The following FAM131B variants were observed in gnomAD, a reference collection of about 807,000 sequenced individuals.
The protein encoded by FAM131B is family with sequence similarity 131 member B, also known as protein FAM131B.
A neutral mutation model predicts 42.0 loss-of-function variants in FAM131B; 19 were observed. The ratio of observed to expected loss-of-function variants is 0.45; its 90% CI spans 0.32 to 0.66. The LOEUF is 0.66. Among genes scored for constraint, FAM131B ranks in the 30% least tolerant of loss-of-function variants. FAM131B has a pLI of 0.05. For synonymous variants in FAM131B, 183 were observed against 177.6 expected, an observed-to-expected ratio of 1.03 and a Z score of -0.24; for missense variants, 370 against 468.4, an observed-to-expected ratio of 0.79 and a Z score of 1.94.
the FAM131B span, chr7:143,382,283 G>T: frequency 1.2e-6 from 2 of 1,612,906 alleles, no homozygotes; most frequent in Admixed American, 3.3e-5. Context: ...TGCTGGGGAT[G>T]GCGACGATGC....
At position 143,362,064 on chromosome 7, in the gene FAM131B, G is replaced by A. The variant is rs1804026730; in HGVS notation, c.28+512C>T. The A allele has an allele frequency of 1.0e-6, 1 of 985,138 alleles. No homozygotes were observed. The highest frequency in any genetic ancestry group is 1.2e-6 in the Non-Finnish European group (1 of 829,550). 61.0% of individuals were successfully genotyped at this position (985,138 alleles called of 1,614,324 possible). ...GCAGGAACGACAGTAAAAGGCAACG[G>A]AGAGGGAGAGAGAGATGGGGCAAAG... is the stretch of plus-strand genomic sequence containing the variant. On this transcript the variant is annotated intron_variant, in intron 1 of 6. Transcript: ENST00000443739. This position sits in a 1 kb window ranked among gnomAD's most constrained non-coding sequence, Gnocchi z 7.7.
chr7:143,381,910 T>A, the FAM131B span: 2 of 921,502 alleles, frequency 2.2e-6, no homozygotes, highest in Non-Finnish European at 3.1e-6. Flanking sequence ...CCCGAGCAGA[T>A]GTTCTTACCT....
chr7:143,360,109 A>T lies in FAM131B; in HGVS notation c.69T>A (p.Asp23Glu). ...VIAVDWKGLKDVDQINMDSTS... is the reference protein window; with the variant it reads ...VIAVDWKGLKEVDQINMDSTS... ...TGCTGTCCATGTTGATTTGATCGAC[A>T]TCCTTCAGGCCCTTCCAATCCACTG... The change falls in exon 2 of 7, where the codon GAT (aspartate) becomes GAA (glutamate). Residue 23 changes from aspartate (D) to glutamate (E), a missense_variant. By Grantham distance (45) the Asp-to-Glu change is conservative. Coordinates refer to ENST00000443739, the MANE Select transcript of FAM131B (RefSeq NM_001031690.3). 6.2e-7 allele frequency: 1 copy of T among 1,614,016 alleles called. No individual in the cohort carries two copies. Among genetic ancestry groups the T allele is most frequent in the African/African-American group, 1.3e-5 (1 of 75,024 alleles).
Position 143,359,496 on chromosome 7 carries a change from G to T in FAM131B, c.175-77C>A. On this transcript the variant is annotated intron_variant, in intron 3 of 6. Transcript: ENST00000443739. This position sits in a 1 kb window ranked among gnomAD's most constrained non-coding sequence, Gnocchi z 5.4. ...GCTTTATACATGGAGGAGGTTCATG[G>T]TTTCCAGGAAAAAGCATTCGAGCTA... 1.7e-6 allele frequency: 2 copies of T among 1,204,816 alleles called. No individual in the cohort carries two copies. Among genetic ancestry groups the T allele is most frequent in the Non-Finnish European group, 2.4e-6 (2 of 820,114 alleles). 74.6% of individuals were successfully genotyped at this position (1,204,816 alleles called of 1,614,324 possible).
the FAM131B span, chr7:143,380,185 T>A: frequency 1.0e-6 from 1 of 984,598 alleles, no homozygotes; most frequent in Non-Finnish European, 1.2e-6. The surrounding 1 kb of genome is among the most constrained non-coding windows in gnomAD (Gnocchi z 5.0). Flanking sequence ...ACTCCTTAGT[T>A]TGGAGAAAGA....
At chr7:143,381,419 G>T in the FAM131B span, 2 of 1,243,198 alleles carry the variant, frequency 1.6e-6, no homozygotes, top group Non-Finnish European at 2.0e-6. Flanking sequence ...GGTGAGGCGC[G>T]GGGAGCGGCA....
chr7:143,381,584 C>A, the FAM131B span: 1 of 1,610,600 alleles, frequency 6.2e-7, no homozygotes, highest in Non-Finnish European at 8.5e-7. Context: ...GGCGGCCCCC[C>A]GCCCGTCTCC....
At chr7:143,381,243 G>A in the FAM131B span, 2 of 1,023,500 alleles carry the variant, frequency 2.0e-6, no homozygotes, top group Non-Finnish European at 2.3e-6. Flanking sequence ...GCCGCTCCTT[G>A]TATGGTCTGG....
chr7:143,370,029 T>C, the FAM131B span, among the ~76,000 whole-genome samples: 1 of 152,236 alleles, frequency 6.6e-6, no homozygotes, highest in South Asian at 2.1e-4. Flanking sequence ...TGTTTCTCTC[T>C]TTAACTTAAA....
In FAM131B at chr7:143,359,085, C is replaced by T; in HGVS notation, c.269-61G>A. ...ATCACACAATACCCATAACCAGACC[C>T]TCCCAGTTCCTCCCACCCCAGCCCC... On this transcript the variant is annotated intron_variant, in intron 4 of 6. Transcript: ENST00000443739. This position sits in a 1 kb window ranked among gnomAD's most constrained non-coding sequence, Gnocchi z 5.4. 3 of 1,491,818 alleles carry T rather than the reference C, an allele frequency of 2.0e-6. No homozygotes were observed. The highest frequency in any genetic ancestry group is 1.9e-5 in the Admixed American group (1 of 53,452). 92.4% of individuals were successfully genotyped at this position (1,491,818 alleles called of 1,614,324 possible).
Position 143,356,317 on chromosome 7 carries a change from A to C in FAM131B, c.*233T>G. 1.9e-6 allele frequency: 1 copy of C among 537,502 alleles called. No homozygotes were observed. The highest frequency in any genetic ancestry group is 3.3e-6 in the Non-Finnish European group (1 of 300,880). The allele number at this position is 537,502 out of a possible 1,614,324, so 33.3% of individuals were successfully genotyped here. ...CCAGGTCCTTCTCCACAGCCACACCAAGCTCACGGCCATCTAGTTGCCCAG... is the reference window on the plus strand; with the variant it reads ...CCAGGTCCTTCTCCACAGCCACACCCAGCTCACGGCCATCTAGTTGCCCAG... On this transcript the variant is annotated 3_prime_UTR_variant, in exon 7 of 7. Coordinates refer to ENST00000443739, the MANE Select transcript of FAM131B (RefSeq NM_001031690.3). This position sits in a 1 kb window ranked among gnomAD's most constrained non-coding sequence, Gnocchi z 4.4.
rs979729614 is a variant in FAM131B, at chr7:143,356,590, A to T, written c.1043T>A (p.Val348Glu). The change falls in exon 7 of 7, where the codon GTG becomes GAG. Residue 348 changes from valine to glutamate, a missense_variant. By Grantham distance (121) the Val-to-Glu change is moderately radical. Transcript: ENST00000443739. This position sits in a 1 kb window ranked among gnomAD's most constrained non-coding sequence, Gnocchi z 4.4. ...RKVSDVTSSG[V>E]QSFDEEEGEA... ...GCCTTCCTCCTCATCAAAGGACTGC[A>T]CACCTGAGGATGTGACGTCAGACAC... The T allele has an allele frequency of 1.2e-6, 2 of 1,613,822 alleles. No individual in the cohort carries two copies. Among genetic ancestry groups the T allele is most frequent in the Admixed American group, 1.7e-5 (1 of 59,982 alleles).
At chr7:143,371,841 G>A in the FAM131B span, among the ~76,000 whole-genome samples, 1 of 152,162 alleles carries the variant, frequency 6.6e-6, no homozygotes, top group Admixed American at 6.5e-5. Flanking sequence ...AGATGGGAAT[G>A]TGCCTTACAC....
rs1015918603 is a variant in FAM131B, at chr7:143,358,322, A to G, written c.466+505T>C. ...TTGGCCACTCTTGTAGGCACACTGC[A>G]TGCCTGTTATCAGACCTACACTACT... On this transcript the variant is annotated intron_variant, in intron 5 of 6. Coordinates refer to ENST00000443739, the MANE Select transcript of FAM131B (RefSeq NM_001031690.3). This position sits in a 1 kb window ranked among gnomAD's most constrained non-coding sequence, Gnocchi z 4.7. Among the ~76,000 whole-genome samples, 7 of 151,870 alleles carry G rather than the reference A, an allele frequency of 4.6e-5. No homozygotes were observed. Among genetic ancestry groups the G allele is most frequent in the Non-Finnish European group, 7.4e-5 (5 of 67,942 alleles).
chr7:143,355,835 T>C lies in FAM131B; in HGVS notation c.*715A>G, dbSNP rs1439586792. 1 of 152,338 alleles carries C rather than the reference T, an allele frequency of 6.6e-6. No homozygotes were observed. The highest frequency in any genetic ancestry group is 2.4e-5 in the African/African-American group (1 of 41,454). The allele number at this position is 152,338 out of a possible 1,614,324, so 9.4% of individuals were successfully genotyped here. A position where few individuals can be genotyped will look rare whatever the true frequency, so the allele number is the denominator to read the frequency against. ...TTAAAGATCCCAGAGCAAGGGGCTG[T>C]GTTTGTTCTTAGTCTCCTCAGTGAC... is the stretch of plus-strand genomic sequence containing the variant. On this transcript the variant is annotated 3_prime_UTR_variant, in exon 7 of 7. Transcript: ENST00000443739. The surrounding 1 kb of genome is among the most constrained non-coding windows in gnomAD (Gnocchi z 4.1).
At chr7:143,378,708 C>G in the FAM131B span, among the ~76,000 whole-genome samples, 3 of 152,004 alleles carry the variant, frequency 2.0e-5, no homozygotes, top group Non-Finnish European at 4.4e-5. Context: ...TCCCCAGTAG[C>G]TGGGACTACA....
intron 1 of FAM131B, chr7:143,361,175 G>C (rs1308942943): frequency 6.6e-6 from 1 of 152,518 alleles, no homozygotes; most frequent in African/African-American, 2.4e-5. Context: ...AGCAGGGCTG[G>C]GGGAAAGGAA....
intron 1 of FAM131B, chr7:143,360,714 C>T (rs1050269026): frequency 1.5e-4 from 23 of 153,160 alleles, no homozygotes; most frequent in African/African-American, 4.8e-4. Context: ...GGCATTTCAC[C>T]TGACTGTGGG....
rs1435645055 is a variant in FAM131B, at chr7:143,357,403, T to C, written c.487A>G (p.Ile163Val). 3.1e-6 allele frequency: 5 copies of C among 1,609,782 alleles called. No homozygotes were observed. The highest frequency in any genetic ancestry group is 1.7e-4 in the Middle Eastern group (1 of 6,038). The change falls in exon 6 of 7, where the codon ATC (isoleucine) becomes GTC (valine). Residue 163 changes from isoleucine (I) to valine (V), a missense_variant. By Grantham distance (29) the Ile-to-Val change is conservative (BLOSUM62 3). Coordinates refer to ENST00000443739, the MANE Select transcript of FAM131B (RefSeq NM_001031690.3). ...FLAGVMEQFA[I>V]SEATLMAWSS... ...CAGGCCATGAGTGTGGCCTCAGAGA[T>C]AGCAAACTGCTCCATGACGCCTGGG...
Sources: allele counts gnomAD v4.1 joint callset (sites outside exome capture counted in the v4.1 genomes callset), GRCh38; gene constraint gnomAD v4.1.1; non-coding constraint Gnocchi (gnomAD v3.1); transcripts MANE v1.5; gene names NCBI Gene and HGNC (gene_info 2026-07-23, HGNC 2026-07-21).